EFR3B: variants seen among roughly 807,000 people sequenced by gnomAD.
EFR3B encodes the protein protein EFR3 homolog B.
A neutral mutation model predicts 104.7 loss-of-function variants in EFR3B; 64 were observed. The observed-to-expected ratio is 0.61, with a 90% CI of 0.50 to 0.75. The LOEUF is 0.75. EFR3B is among the 30% of genes least tolerant of loss of function. The pLI is 0.00. For missense variants in EFR3B, 750 were observed against 1,078.5 expected, an observed-to-expected ratio of 0.70 and a Z score of 4.27; for synonymous variants, 385 against 417.9, an observed-to-expected ratio of 0.92 and a Z score of 0.96.
chr2:25,048,621 A>T (rs1667784236), intron 1 of EFR3B, among the ~76,000 whole-genome samples: 1 of 152,098 alleles, frequency 6.6e-6, no homozygotes, highest in East Asian at 1.9e-4. Context: ...TGCCGAGGGC[A>T]CGAGCTGTTC....
At chr2:25,049,019 C>G (rs1222389599) in intron 1 of EFR3B, among the ~76,000 whole-genome samples, 6 of 152,310 alleles carry the variant, frequency 3.9e-5, no homozygotes, top group Non-Finnish European at 5.9e-5. Context: ...GAATTTTTCC[C>G]TCGACTGTAG....
chr2:25,125,681 G>A (rs368908829), intron 5 of EFR3B, among the ~76,000 whole-genome samples: 6 of 152,210 alleles, frequency 3.9e-5, no homozygotes, highest in Non-Finnish European at 8.8e-5. Flanking sequence ...AGGCACGGTG[G>A]CTCACGCCTG....
intron 3 of EFR3B, among the ~76,000 whole-genome samples, chr2:25,095,772 G>T (rs984143390): frequency 4.6e-5 from 7 of 152,032 alleles, no homozygotes; most frequent in African/African-American, 1.4e-4. Context: ...GGGTTTTTTG[G>T]TTTTGTTTTG....
chr2:25,092,892 A>G (rs1365769174), intron 2 of EFR3B, 111 bp from the exon 3 acceptor site: 6 of 1,375,100 alleles, frequency 4.4e-6, no homozygotes, highest in South Asian at 4.3e-5. Flanking sequence ...CGGCACATCC[A>G]TAAAGGACAC....
intron 2 of EFR3B, 110 bp downstream of exon 2, chr2:25,091,511 C>T (rs1669120969): frequency 4.0e-6 from 4 of 992,092 alleles, no homozygotes; most frequent in East Asian, 2.9e-5. Context: ...CAGGGCCTCT[C>T]AGGGTCCCTG....
At chr2:25,055,801 A>C (rs961260202) in intron 1 of EFR3B, among the ~76,000 whole-genome samples, 5 of 152,188 alleles carry the variant, frequency 3.3e-5, no homozygotes, top group Non-Finnish European at 7.3e-5. Flanking sequence ...CTTCTAGAGC[A>C]GAAGCATACA....
At chr2:25,053,822 G>A (rs138934393) in intron 1 of EFR3B, among the ~76,000 whole-genome samples, 4,667 of 152,250 alleles carry the variant, frequency 0.031, 107 homozygotes, top group African/African-American at 0.071. Context: ...CAGGAGAATC[G>A]CTTGAATCTG....
In EFR3B at chr2:25,136,584, G is replaced by A. The variant is rs201336240; in HGVS notation, c.1546G>A (p.Val516Ile). ...GGACAAGTGCTCTCGACAGGACACC[G>A]TCTTCATGAAGAAGGTAAACAAGCA... ...KVDKCSRQDT[V>I]FMKKHSQQLY... The change falls in exon 14 of 23, where the codon GTC becomes ATC. Residue 516 changes from valine (V) to isoleucine (I), a missense_variant. Transcript: ENST00000403714. The surrounding 1 kb of genome is among the most constrained non-coding windows in gnomAD (Gnocchi z 4.0). 1,954 of 1,551,090 alleles carry A rather than the reference G, an allele frequency of 1.3e-3. No homozygotes were observed. Among genetic ancestry groups the A allele is most frequent in the Non-Finnish European group, 1.5e-3 (1,753 of 1,146,728 alleles).
chr2:25,122,265 C>A (rs1348103866), intron 5 of EFR3B, among the ~76,000 whole-genome samples: 2 of 152,066 alleles, frequency 1.3e-5, no homozygotes, highest in Non-Finnish European at 2.9e-5. Context: ...CTACACCCGG[C>A]CCCCACATGT....
chr2:25,132,687 G>C (rs1400919967), intron 10 of EFR3B, among the ~76,000 whole-genome samples: 2 of 149,770 alleles, frequency 1.3e-5, no homozygotes, highest in African/African-American at 4.9e-5. Context: ...TCAGGAACAA[G>C]TGAAAAAACG....
intron 19 of EFR3B, among the ~76,000 whole-genome samples, chr2:25,148,694 A>G (rs1397781702): frequency 2.1e-4 from 31 of 148,500 alleles, no homozygotes; most frequent in East Asian, 6.3e-4. Context: ...AGGCCAAGGC[A>G]GGCGGATCAC....
intron 19 of EFR3B, among the ~76,000 whole-genome samples, chr2:25,148,062 A>T (rs532126265): frequency 6.6e-6 from 1 of 151,482 alleles, no homozygotes; most frequent in South Asian, 2.1e-4. Flanking sequence ...AGCATGAGTA[A>T]ATCGTAGGTC....
chr2:25,154,038 T>G lies in EFR3B; in HGVS notation c.2349-197T>G, dbSNP rs1385631312. On this transcript the variant is annotated intron_variant, in intron 22 of 22. Transcript: ENST00000403714. This position sits in a 1 kb window ranked among gnomAD's most constrained non-coding sequence, Gnocchi z 4.1. Reference sequence around the variant, plus strand: ...GCACTTTCTAAAGCAGCAGTGTCACTGCGGAGCCTGCAGGGAAGCTTGACT... The same window carrying G: ...GCACTTTCTAAAGCAGCAGTGTCACGGCGGAGCCTGCAGGGAAGCTTGACT... Among the ~76,000 whole-genome samples, 1 of 152,198 alleles carries G rather than the reference T, an allele frequency of 6.6e-6. No homozygotes were observed. Among genetic ancestry groups the G allele is most frequent in the Non-Finnish European group, 1.5e-5 (1 of 68,034 alleles).
At chr2:25,120,403 T>C (rs1669980024) in intron 4 of EFR3B, among the ~76,000 whole-genome samples, 3 of 151,946 alleles carry the variant, frequency 2.0e-5, no homozygotes, top group Admixed American at 2.0e-4. Context: ...CCCAGCACTT[T>C]GGGAGGCTGA....
chr2:25,104,048 C>T (rs1573205213), intron 4 of EFR3B, among the ~76,000 whole-genome samples: 1 of 151,876 alleles, frequency 6.6e-6, no homozygotes, highest in East Asian at 1.9e-4. Flanking sequence ...TCAAGCATCC[C>T]ATTTTAAACC....
Position 25,131,651 on chromosome 2 carries a change from A to G in EFR3B, c.986-99A>G. ...GAAGTTGGGAGCGCAGAGGAAGCCC[A>G]GGCTGGAAGGGGGCGTGACCCTGCC... On this transcript the variant is annotated intron_variant, in intron 9 of 22. Transcript: ENST00000403714. The surrounding 1 kb of genome is among the most constrained non-coding windows in gnomAD (Gnocchi z 7.6). 1.3e-6 allele frequency: 2 copies of G among 1,487,036 alleles called. No individual in the cohort carries two copies. The allele number at this position is 1,487,036 out of a possible 1,614,324, so 92.1% of individuals were successfully genotyped here. A position where few individuals can be genotyped will look rare whatever the true frequency, so the allele number is the denominator to read the frequency against.
chr2:25,112,386 C>T (rs1198753784), intron 4 of EFR3B, among the ~76,000 whole-genome samples: 2 of 152,234 alleles, frequency 1.3e-5, no homozygotes, highest in African/African-American at 4.8e-5. Context: ...TAGACTTTCC[C>T]AGGAGTCCTT....
intron 1 of EFR3B, among the ~76,000 whole-genome samples, chr2:25,084,306 G>A (rs1400342025): frequency 3.3e-5 from 5 of 151,636 alleles, no homozygotes; most frequent in East Asian, 1.9e-4. Flanking sequence ...GTGCGATCTC[G>A]GCTCACTGCA....
At chr2:25,112,802 G>GTC (rs2149196364) in intron 4 of EFR3B, among the ~76,000 whole-genome samples, 1 of 152,308 alleles carries the variant, frequency 6.6e-6, no homozygotes, top group Admixed American at 6.5e-5. Context: ...TCCTTGAACT[G>GTC]CGAGAAAGTT....
Sources: gnomAD v4.1 joint callset for allele counts (sites outside exome capture counted in the v4.1 genomes callset) on GRCh38, gnomAD v4.1.1 for gene constraint, Gnocchi (gnomAD v3.1) non-coding constraint, MANE v1.5 for transcripts, NCBI Gene and HGNC (gene_info 2026-07-23, HGNC 2026-07-21) for gene names.